PLBD1: variants seen among roughly 807,000 people sequenced by gnomAD.
PLBD1 encodes phospholipase B domain containing 1, also known as lysosomal leucine aminopeptidase.
In PLBD1, 60 loss-of-function variants were observed where a neutral mutation model predicts 63.0. That is an observed-to-expected ratio of 0.95 (90% CI 0.77 to 1.18). PLBD1 has a LOEUF of 1.18. Ranked by LOEUF, PLBD1 falls within the 50% of genes most tolerant of loss-of-function variation. The probability of loss-of-function intolerance (pLI) is 0.00; values close to 1 mark genes in which losing one functional copy is unlikely to be tolerated. For missense variants in PLBD1, 598 were observed against 677.9 expected (o/e 0.88, Z 1.31); for synonymous variants, 262 against 248.0 (o/e 1.06, Z -0.53).
At chr12:14,518,227 T>TCTG (rs1309330198) in intron 6 of PLBD1, among the ~76,000 whole-genome samples, 1 of 152,126 alleles carries the variant, frequency 6.6e-6, no homozygotes, top group Non-Finnish European at 1.5e-5. Context: ...GTGCACAGTG[T>TCTG]CAGGGACAGA....
chr12:14,525,818 A>G (rs1945412270), intron 6 of PLBD1, among the ~76,000 whole-genome samples: 1 of 152,178 alleles, frequency 6.6e-6, no homozygotes, highest in African/African-American at 2.4e-5. Context: ...TGGAGCATAT[A>G]TATGACAACA....
intron 6 of PLBD1, among the ~76,000 whole-genome samples, chr12:14,516,373 A>C (rs1428899943): frequency 6.6e-6 from 1 of 152,072 alleles, no homozygotes; most frequent in Non-Finnish European, 1.5e-5. Flanking sequence ...AAAAAGGCTA[A>C]GCAAAGATTT....
intron 1 of PLBD1, chr12:14,554,104 C>G (rs1009194172): frequency 6.5e-6 from 1 of 153,216 alleles, no homozygotes; most frequent in Non-Finnish European, 1.5e-5. Context: ...CTTAATTCAT[C>G]TAATGTCATA....
intron 2 of PLBD1, among the ~76,000 whole-genome samples, chr12:14,543,543 C>A (rs1945592263): frequency 6.6e-6 from 1 of 152,014 alleles, no homozygotes. Context: ...ATGGTGAAAC[C>A]CCGTCTCTAC....
chr12:14,523,428 G>A lies in PLBD1; in HGVS notation c.845-11717C>T, dbSNP rs573034393. Among the ~76,000 whole-genome samples the A allele has an allele frequency of 2.6e-5, 4 of 152,178 alleles. No individual in the cohort carries two copies. The East Asian group carries it at 7.7e-4, about 29-fold the overall frequency. ...AATCAAAGCAATTGACAGATTCAGT[G>A]CAATCTCTATCAAAATACCAATGAC... On this transcript the variant is annotated intron_variant, in intron 6 of 10. Coordinates refer to ENST00000240617, the MANE Select transcript of PLBD1 (RefSeq NM_024829.6).
At chr12:14,536,781 G>A in intron 4 of PLBD1, 71 bp from the exon 5 acceptor site, 2 of 1,569,452 alleles carry the variant, frequency 1.3e-6, no homozygotes, top group East Asian at 2.3e-5. Context: ...CCTCTTGTTA[G>A]GGACCCATTA....
intron 6 of PLBD1, among the ~76,000 whole-genome samples, chr12:14,524,721 G>A (rs963413673): frequency 5.9e-5 from 9 of 152,180 alleles, no homozygotes; most frequent in Admixed American, 3.9e-4. Flanking sequence ...AAAAAGGAAG[G>A]TACGACCCCA....
chr12:14,544,547 C>CT (rs2136926578), intron 2 of PLBD1, among the ~76,000 whole-genome samples: 1 of 152,266 alleles, frequency 6.6e-6, no homozygotes, highest in South Asian at 2.1e-4. Flanking sequence ...CCTCTAGTCT[C>CT]TTTTTCTGAA....
Position 14,507,097 on chromosome 12 carries a change from A to G in PLBD1, c.1208T>C (p.Val403Ala). Residue 403 changes from valine to alanine, a missense_variant, in exon 9 of 11, where the codon GTT (valine) becomes GCT (alanine). Transcript: ENST00000240617. ...LRKGYWPSYN[V>A]PFHEKIYNWS... ...GTTGTAGATTTTTTCATGGAAAGGA[A>G]CATTGTAGGAGGGCCAATATCCTGA... The G allele has an allele frequency of 6.2e-7, 1 of 1,611,182 alleles. No homozygotes were observed. The highest frequency in any genetic ancestry group is 8.5e-7 in the Non-Finnish European group (1 of 1,177,712).
At chr12:14,518,010 G>A (rs572049964) in intron 6 of PLBD1, among the ~76,000 whole-genome samples, 11 of 152,184 alleles carry the variant, frequency 7.2e-5, no homozygotes, top group African/African-American at 1.7e-4. Flanking sequence ...GTGAAACCGC[G>A]TCTCTACTAA....
chr12:14,528,186 T>C (rs2136914967), intron 6 of PLBD1, among the ~76,000 whole-genome samples: 1 of 152,180 alleles, frequency 6.6e-6, no homozygotes, highest in East Asian at 1.9e-4. Flanking sequence ...AAATAGAAAA[T>C]CAGTTAAGAG....
At chr12:14,540,106 T>TTTTATATG (rs71448876) in intron 4 of PLBD1, among the ~76,000 whole-genome samples, 7 of 64,032 alleles carry the variant, frequency 1.1e-4, no homozygotes, top group African/African-American at 4.1e-4. Flanking sequence ...AATATAAATA[T>TTTTATATG]TATTTATATA....
chr12:14,535,965 T>C (rs147489736), intron 5 of PLBD1, 162 bp from the exon 6 acceptor site: 10,850 of 652,560 alleles, frequency 0.017, 110 homozygotes, highest in Non-Finnish European at 0.021. Context: ...TAACCTTTAA[T>C]GTGGCCCCAA....
intron 2 of PLBD1, 119 bp from the exon 3 acceptor site, chr12:14,542,410 ATCTT>A: frequency 1.4e-6 from 1 of 690,890 alleles, no homozygotes; most frequent in East Asian, 2.7e-5. Flanking sequence ...TCTGCCTACT[ATCTT>A]TTTTTTCCTT....
intron 2 of PLBD1, among the ~76,000 whole-genome samples, chr12:14,549,694 G>A (rs776209342): frequency 6.6e-6 from 1 of 152,010 alleles, no homozygotes; most frequent in Non-Finnish European, 1.5e-5. Context: ...TTGAGATGGA[G>A]TTTCACTCTT....
chr12:14,503,918 A>T lies in PLBD1; in HGVS notation c.1516T>A (p.Tyr506Asn). 1 of 1,614,104 alleles carries T rather than the reference A, an allele frequency of 6.2e-7. No individual in the cohort carries two copies. The highest frequency in any genetic ancestry group is 8.5e-7 in the Non-Finnish European group (1 of 1,179,954). The change falls in exon 11 of 11, where the codon TAT becomes AAT. Residue 506 changes from tyrosine (Y) to asparagine (N), a missense_variant. Transcript: ENST00000240617. ...DIYLASQYTS[Y>N]AISGPTVQGG... ...TGTACTGTGGGACCACTTATGGCAT[A>T]GGATGTGTACTGAGATGCTAGGTAG...
chr12:14,524,443 AAAAAT>A (rs1384674246), intron 6 of PLBD1, among the ~76,000 whole-genome samples: 2 of 152,212 alleles, frequency 1.3e-5, no homozygotes, highest in Non-Finnish European at 2.9e-5. Context: ...TATGTCATTT[AAAAAT>A]AAAATAAAAC....
At chr12:14,506,790 A>T in intron 9 of PLBD1, 143 bp downstream of exon 9, 3 of 641,450 alleles carry the variant, frequency 4.7e-6, no homozygotes, top group Non-Finnish European at 4.8e-6. Flanking sequence ...TTTATTGAGT[A>T]TAAAATGTAC....
chr12:14,559,005 G>T (rs778739714), intron 1 of PLBD1, among the ~76,000 whole-genome samples: 1 of 152,078 alleles, frequency 6.6e-6, no homozygotes, highest in Admixed American at 6.5e-5. Flanking sequence ...ATTCCTCAAT[G>T]TTTTCTCTAA....
Sources: allele counts gnomAD v4.1 joint callset (sites outside exome capture counted in the v4.1 genomes callset), GRCh38; gene constraint gnomAD v4.1.1; transcripts MANE v1.5; gene names NCBI Gene and HGNC (gene_info 2026-07-23, HGNC 2026-07-21).